Variants in CHST11 observed in about 807,000 individuals in gnomAD.
CHST11 encodes the protein carbohydrate sulfotransferase 11.
In CHST11, 9 loss-of-function variants were observed where a neutral mutation model predicts 30.4. The observed-to-expected ratio is 0.30, with a 90% CI of 0.18 to 0.52. The LOEUF (loss-of-function observed/expected upper bound fraction) is 0.52. Among genes scored for constraint, CHST11 ranks in the 20% least tolerant of loss-of-function variants. The pLI is 0.97. For missense variants in CHST11, 348 were observed against 460.6 expected (o/e 0.76, Z 2.24); for synonymous variants, 152 against 187.8 (o/e 0.81, Z 1.56).
At chr12:104,643,435 G>A (rs1361879823) in intron 2 of CHST11, among the ~76,000 whole-genome samples, 1 of 152,216 alleles carries the variant, frequency 6.6e-6, no homozygotes, top group Admixed American at 6.5e-5. Flanking sequence ...CAGATGCAGA[G>A]ATGGGGTTCT....
chr12:104,709,747 C>T lies in CHST11; in HGVS notation c.205-47202C>T, dbSNP rs551816910. Among the ~76,000 whole-genome samples, 361 of 152,186 alleles carry T rather than the reference C, an allele frequency of 2.4e-3. 4 individuals carry two copies. Among genetic ancestry groups the T allele is most frequent in the Non-Finnish European group, 4.4e-3 (296 of 67,984 alleles). On this transcript the variant is annotated intron_variant, in intron 2 of 2. Coordinates refer to ENST00000303694, the MANE Select transcript of CHST11 (RefSeq NM_018413.6). ...GAGACAGAGAGCAGGTCAATGGTTG[C>T]TTAGGGGTAGGGGGATGGGGACAGA...
chr12:104,547,582 G>A (rs2136006593), intron 1 of CHST11, among the ~76,000 whole-genome samples: 1 of 152,242 alleles, frequency 6.6e-6, no homozygotes, highest in Non-Finnish European at 1.5e-5. Context: ...TGAGAGAATA[G>A]CACAAGACGG....
At chr12:104,603,580 A>G (rs1356382948) in intron 2 of CHST11, among the ~76,000 whole-genome samples, 4 of 152,194 alleles carry the variant, frequency 2.6e-5, no homozygotes, top group Non-Finnish European at 5.9e-5. Context: ...AACCCTGAAT[A>G]TATGATGAGT....
At chr12:104,618,793 G>A (rs2039133304) in intron 2 of CHST11, among the ~76,000 whole-genome samples, 1 of 152,302 alleles carries the variant, frequency 6.6e-6, no homozygotes, top group East Asian at 1.9e-4. Context: ...GCATCATCCA[G>A]CCTATTCGGG....
intron 1 of CHST11, among the ~76,000 whole-genome samples, chr12:104,531,981 C>G (rs2038189791): frequency 3.3e-5 from 5 of 152,128 alleles, no homozygotes; most frequent in Admixed American, 2.0e-4. Context: ...AGTCACTTGC[C>G]CAGTGGCTCC....
intron 2 of CHST11, among the ~76,000 whole-genome samples, chr12:104,645,239 G>A (rs2039416000): frequency 6.6e-6 from 1 of 152,278 alleles, no homozygotes; most frequent in Non-Finnish European, 1.5e-5. Context: ...GAGCCACCAC[G>A]CCCGGCCTTC....
At chr12:104,581,417 G>A (rs1276310262) in intron 1 of CHST11, among the ~76,000 whole-genome samples, 1 of 152,160 alleles carries the variant, frequency 6.6e-6, no homozygotes, top group African/African-American at 2.4e-5. Context: ...ATGGGAGAAA[G>A]CTTGATAATT....
intron 1 of CHST11, among the ~76,000 whole-genome samples, chr12:104,474,127 T>C (rs1280186437): frequency 1.3e-5 from 2 of 152,222 alleles, no homozygotes; most frequent in Non-Finnish European, 1.5e-5. Context: ...GAAGGTCTAA[T>C]TGAGGTAGTA....
chr12:104,631,166 G>A (rs753036663), intron 2 of CHST11, among the ~76,000 whole-genome samples: 1 of 152,176 alleles, frequency 6.6e-6, no homozygotes, highest in African/African-American at 2.4e-5. Flanking sequence ...GAGCAAGTTC[G>A]CAGTGGCGTA....
chr12:104,546,334 G>A (rs1040111774), intron 1 of CHST11, among the ~76,000 whole-genome samples: 1 of 131,066 alleles, frequency 7.6e-6, no homozygotes, highest in Non-Finnish European at 1.6e-5. Context: ...CAAGCATGGT[G>A]GTGCATGCCT....
chr12:104,724,840 G>T (rs2040204701), intron 2 of CHST11, among the ~76,000 whole-genome samples: 2 of 152,154 alleles, frequency 1.3e-5, no homozygotes, highest in African/African-American at 4.8e-5. Flanking sequence ...GATAGACAAT[G>T]AATAATTTTA....
chr12:104,473,471 G>A (rs2037530178), intron 1 of CHST11, among the ~76,000 whole-genome samples: 1 of 152,172 alleles, frequency 6.6e-6, no homozygotes, highest in Non-Finnish European at 1.5e-5. Flanking sequence ...GCTCATGGGT[G>A]TATCCGGGTC....
intron 1 of CHST11, among the ~76,000 whole-genome samples, chr12:104,495,094 G>A (rs1260762592): frequency 6.6e-6 from 1 of 152,156 alleles, no homozygotes; most frequent in Non-Finnish European, 1.5e-5. Flanking sequence ...TTGGGACTGG[G>A]TTATTTTGCT....
chr12:104,466,502 CCAAA>C (rs2037460948), intron 1 of CHST11, among the ~76,000 whole-genome samples: 1 of 152,174 alleles, frequency 6.6e-6, no homozygotes, highest in African/African-American at 2.4e-5. Flanking sequence ...CCAAACAGCC[CCAAA>C]GGCAAGAAGA....
chr12:104,613,387 G>A (rs941001670), intron 2 of CHST11, among the ~76,000 whole-genome samples: 3 of 152,162 alleles, frequency 2.0e-5, no homozygotes, highest in Middle Eastern at 3.2e-3. Context: ...AACCTGGGGG[G>A]ACTGATATGG....
intron 1 of CHST11, among the ~76,000 whole-genome samples, chr12:104,585,876 G>T (rs778846943): frequency 6.6e-6 from 1 of 152,152 alleles, no homozygotes; most frequent in Non-Finnish European, 1.5e-5. Flanking sequence ...GTCCTGGCCT[G>T]TAGCTGCATC....
chr12:104,745,688 C>A (rs2040384437), intron 2 of CHST11, among the ~76,000 whole-genome samples: 1 of 152,044 alleles, frequency 6.6e-6, no homozygotes, highest in Non-Finnish European at 1.5e-5. Context: ...GTATTTTATT[C>A]TTTTTGTGGC....
intron 2 of CHST11, among the ~76,000 whole-genome samples, chr12:104,623,428 G>A (rs564330275): frequency 1.7e-4 from 26 of 152,292 alleles, no homozygotes; most frequent in African/African-American, 6.0e-4. Context: ...AAGTGCATGT[G>A]GGCTGGACGA....
chr12:104,718,952 G>C (rs1042297949), intron 2 of CHST11, among the ~76,000 whole-genome samples: 1 of 152,212 alleles, frequency 6.6e-6, no homozygotes, highest in African/African-American at 2.4e-5. Context: ...AGGAGCTTCT[G>C]TCGGGGAAGG....
Sources: gnomAD v4.1 joint callset for allele counts (sites outside exome capture counted in the v4.1 genomes callset) on GRCh38, gnomAD v4.1.1 for gene constraint, MANE v1.5 for transcripts, NCBI Gene and HGNC (gene_info 2026-07-23, HGNC 2026-07-21) for gene names.